The following SCG2 variants were observed in gnomAD, a reference collection of about 807,000 sequenced individuals.
SCG2 encodes the protein secretogranin II, also known as secretogranin-2.
Under a neutral mutation model 49.5 loss-of-function variants are expected in SCG2, and 23 were observed. The ratio of observed to expected loss-of-function variants is 0.46; its 90% CI spans 0.33 to 0.66. The LOEUF is 0.66. Ranked by LOEUF, SCG2 falls within the 30% of genes least tolerant of loss-of-function variation. SCG2 has a pLI of 0.01. For synonymous variants in SCG2, 288 were observed against 260.4 expected (o/e 1.11, Z -1.02); for missense variants, 730 against 728.2 (o/e 1.00, Z -0.03).
intron 1 of SCG2, chr2:223,602,063 T>C (rs963257339): frequency 6.6e-6 from 1 of 152,198 alleles, no homozygotes; most frequent in Non-Finnish European, 1.5e-5. Context: ...TAAGTAACAT[T>C]CTGGTTAGTA....
rs149041480 is a variant in SCG2, at chr2:223,599,854, A to G, written c.-14-558T>C. Among the ~76,000 whole-genome samples the G allele has an allele frequency of 5.3e-3, 812 of 152,310 alleles. 1 individual carries two copies. Among genetic ancestry groups the G allele is most frequent in the South Asian group, 7.9e-3 (38 of 4,832 alleles). On this transcript the variant is annotated intron_variant, in intron 1 of 1. Transcript: ENST00000305409. ...CTGCAGTTACATGACCATATATGAC[A>G]AAGTAATACTTTTATATGTCAATCA... is the stretch of plus-strand genomic sequence containing the variant.
At position 223,599,066 on chromosome 2, in the gene SCG2, C is replaced by G. The variant is rs1226055256; in HGVS notation, c.217G>C (p.Glu73Gln). ...TAGGGATTATAATCTGGGCTGCTTT[C>G]TTCCTTATGAGCTTGTTGTCGGAGG... ...ENLRQQAHKE[E>Q]SSPDYNPYQG... is the part of the protein sequence containing the mutation. The change falls in exon 2 of 2, where the codon GAA (glutamate) becomes CAA (glutamine). Residue 73 changes from glutamate (E) to glutamine (Q), a missense_variant. Glu to Gln is a conservative substitution (Grantham distance 29). Transcript: ENST00000305409. 1 of 1,614,094 alleles carries G rather than the reference C, an allele frequency of 6.2e-7. No individual in the cohort carries two copies. The highest frequency in any genetic ancestry group is 8.5e-7 in the Non-Finnish European group (1 of 1,180,042).
intron 1 of SCG2, among the ~76,000 whole-genome samples, chr2:223,601,215 A>G (rs1203874868): frequency 1.3e-5 from 2 of 152,202 alleles, no homozygotes; most frequent in African/African-American, 4.8e-5. Context: ...TGAGACCCAA[A>G]GGATTCTTTT....
At chr2:223,600,901 T>C (rs1691379427) in intron 1 of SCG2, among the ~76,000 whole-genome samples, 1 of 152,194 alleles carries the variant, frequency 6.6e-6, no homozygotes. Flanking sequence ...TAAAAATACA[T>C]TATGCACTCT....
In SCG2 at chr2:223,598,530, G is replaced by T. The variant is rs764709664; in HGVS notation, c.753C>A (p.Asn251Lys). 3.7e-5 allele frequency: 59 copies of T among 1,613,684 alleles called. No individual in the cohort carries two copies. The East Asian group carries it at 8.0e-4, about 22-fold the overall frequency. The change falls in exon 2 of 2, where the codon AAC (asparagine) becomes AAA (lysine). Residue 251 changes from asparagine (N) to lysine (K), a missense_variant. Coordinates refer to ENST00000305409, the MANE Select transcript of SCG2 (RefSeq NM_003469.5). Reference protein sequence around the residue: ...YEDVVGGEDWNPVEEKIESQT... With the variant: ...YEDVVGGEDWKPVEEKIESQT... ...GACTCTCTATTTTCTCCTCTACTGG[G>T]TTCCAGTCTTCTCCCCCGACCACAT...
chr2:223,600,139 C>CT (rs1342869987), intron 1 of SCG2, among the ~76,000 whole-genome samples: 5 of 152,188 alleles, frequency 3.3e-5, no homozygotes, highest in African/African-American at 1.2e-4. Context: ...TGTGGTTATA[C>CT]TTTTCATCAG....
In SCG2 at chr2:223,597,316, C is replaced by T; in HGVS notation, c.*113G>A. ...AGTGACCTGGTTTCATCTGCCTGTA[C>T]ATCATTTAAAGATATTACAGTGTTA... On this transcript the variant is annotated 3_prime_UTR_variant, in exon 2 of 2. Coordinates refer to ENST00000305409, the MANE Select transcript of SCG2 (RefSeq NM_003469.5). 7.4e-7 allele frequency: 1 copy of T among 1,358,448 alleles called. No individual in the cohort carries two copies. The highest frequency in any genetic ancestry group is 9.9e-7 in the Non-Finnish European group (1 of 1,005,228). 84.1% of individuals were successfully genotyped at this position (1,358,448 alleles called of 1,614,324 possible).
At position 223,597,377 on chromosome 2, in the gene SCG2, G is replaced by A. The variant is rs374263026; in HGVS notation, c.*52C>T. 87 of 1,533,128 alleles carry A rather than the reference G, an allele frequency of 5.7e-5. 2 individuals carry two copies. In the Middle Eastern group the frequency reaches 5.5e-3, roughly 97 times the overall value. The allele number at this position is 1,533,128 out of a possible 1,614,324, so 95.0% of individuals were successfully genotyped here. The stretch of plus-strand genomic sequence containing the variant: ...AGTCAACACACTGAAGAGAAATGTT[G>A]GGATTTGCTTGGGGTGGGAGGAATG... On this transcript the variant is annotated 3_prime_UTR_variant, in exon 2 of 2. Coordinates refer to ENST00000305409, the MANE Select transcript of SCG2 (RefSeq NM_003469.5).
At position 223,598,419 on chromosome 2, in the gene SCG2, A is replaced by G. The variant is rs754024627; in HGVS notation, c.864T>C (p.Leu288=). 1.2e-6 allele frequency: 2 copies of G among 1,614,072 alleles called. No individual in the cohort carries two copies. The highest frequency in any genetic ancestry group is 3.3e-5 in the Admixed American group (2 of 60,016). ...INDEMKRSGQ[L]GIQEEDLRKE... is the part of the protein sequence containing the mutation. ...TCCGAAGATCTTCTTCCTGGATGCC[A>G]AGCTGCCCTGAGCGTTTCATCTCAT... The change falls in exon 2 of 2, where the codon CTT becomes CTC. Residue 288 remains leucine, a synonymous_variant. Coordinates refer to ENST00000305409, the MANE Select transcript of SCG2 (RefSeq NM_003469.5).
chr2:223,599,703 T>C (rs1691360504), intron 1 of SCG2, among the ~76,000 whole-genome samples: 1 of 152,250 alleles, frequency 6.6e-6, no homozygotes, highest in Non-Finnish European at 1.5e-5. Flanking sequence ...GGCAAAATAA[T>C]GTGTTGGCTT....
chr2:223,601,305 T>C (rs541394414), intron 1 of SCG2, among the ~76,000 whole-genome samples: 2 of 152,332 alleles, frequency 1.3e-5, no homozygotes, highest in African/African-American at 4.8e-5. Flanking sequence ...TAAAATTGAA[T>C]TTTCTGAAAT....
chr2:223,600,113 T>C (rs1400742394), intron 1 of SCG2, among the ~76,000 whole-genome samples: 1 of 152,232 alleles, frequency 6.6e-6, no homozygotes, highest in Non-Finnish European at 1.5e-5. Context: ...ATTATGACTG[T>C]CTTGCAAAAT....
chr2:223,598,525 A>G lies in SCG2; in HGVS notation c.758T>C (p.Val253Ala), dbSNP rs1417850345. Reference protein sequence around the residue: ...DVVGGEDWNPVEEKIESQTQE... With the variant: ...DVVGGEDWNPAEEKIESQTQE... ...GGTTTGACTCTCTATTTTCTCCTCT[A>G]CTGGGTTCCAGTCTTCTCCCCCGAC... The change falls in exon 2 of 2, where the codon GTA becomes GCA. Residue 253 changes from valine to alanine, a missense_variant. Coordinates refer to ENST00000305409, the MANE Select transcript of SCG2 (RefSeq NM_003469.5). 17 of 1,613,566 alleles carry G rather than the reference A, an allele frequency of 1.1e-5. No homozygotes were observed. Among genetic ancestry groups the G allele is most frequent in the East Asian group, 2.2e-5 (1 of 44,862 alleles).
rs1262828579 is a variant in SCG2, at chr2:223,599,292, A to C, written c.-10T>G. The C allele has an allele frequency of 3.2e-6, 5 of 1,551,790 alleles. No homozygotes were observed. Among genetic ancestry groups the C allele is most frequent in the Admixed American group, 2.0e-5 (1 of 49,784 alleles). On this transcript the variant is annotated 5_prime_UTR_variant, in exon 2 of 2. Coordinates refer to ENST00000305409, the MANE Select transcript of SCG2 (RefSeq NM_003469.5). ...TCTTTGCTTCAGCCATGTTTGAAAGATTTCCTTAAAACATAAAAAATATGA... is the reference window on the plus strand; with the variant it reads ...TCTTTGCTTCAGCCATGTTTGAAAGCTTTCCTTAAAACATAAAAAATATGA...
chr2:223,597,335 A>T lies in SCG2; in HGVS notation c.*94T>A, dbSNP rs781764724. On this transcript the variant is annotated 3_prime_UTR_variant, in exon 2 of 2. Coordinates refer to ENST00000305409, the MANE Select transcript of SCG2 (RefSeq NM_003469.5). The stretch of plus-strand genomic sequence containing the variant: ...CCTGTACATCATTTAAAGATATTAC[A>T]GTGTTAACAGGATAGAAGTCAACAC... 89 of 1,429,724 alleles carry T rather than the reference A, an allele frequency of 6.2e-5. No homozygotes were observed. Among genetic ancestry groups the T allele is most frequent in the Non-Finnish European group, 7.7e-5 (82 of 1,060,306 alleles). The allele number at this position is 1,429,724 out of a possible 1,614,324, so 88.6% of individuals were successfully genotyped here.
At chr2:223,601,013 A>G (rs1027712216) in intron 1 of SCG2, among the ~76,000 whole-genome samples, 27 of 152,072 alleles carry the variant, frequency 1.8e-4, no homozygotes, top group African/African-American at 6.0e-4. Flanking sequence ...ATTTTTTTTG[A>G]AGCCACAATA....
chr2:223,598,102 A>AT lies in SCG2; in HGVS notation c.1180dup (p.Ile394AsnfsTer5). The AT allele has an allele frequency of 6.2e-7, 1 of 1,606,892 alleles. No individual in the cohort carries two copies. The highest frequency in any genetic ancestry group is 8.5e-7 in the Non-Finnish European group (1 of 1,176,362). On this transcript the variant is annotated frameshift_variant, in exon 2 of 2. Transcript: ENST00000305409. LOFTEE classifies it high-confidence loss of function. ...TGGATGGTCTAAGTCAGCCTCTGAG[A>AT]TGTCATCTAGGTCAACAGGAAGGTC...
chr2:223,597,960 C>A lies in SCG2; in HGVS notation c.1323G>T (p.Gly441=). The part of the protein sequence containing the change: ...LSVEDILNLL[G]MESAANQKTS... Reference sequence around the variant, plus strand: ...TTTTCTGATTTGCTGCACTCTCCATCCCTAAAAGATTTAAAATATCCTCAA... The same window carrying A: ...TTTTCTGATTTGCTGCACTCTCCATACCTAAAAGATTTAAAATATCCTCAA... The change falls in exon 2 of 2, where the codon GGG becomes GGT. Residue 441 remains glycine (G), a synonymous_variant. Coordinates refer to ENST00000305409, the MANE Select transcript of SCG2 (RefSeq NM_003469.5). 1 of 1,614,132 alleles carries A rather than the reference C, an allele frequency of 6.2e-7. No individual in the cohort carries two copies. The highest frequency in any genetic ancestry group is 8.5e-7 in the Non-Finnish European group (1 of 1,180,028).
intron 1 of SCG2, among the ~76,000 whole-genome samples, chr2:223,600,383 A>G (rs1691372200): frequency 6.6e-6 from 1 of 152,174 alleles, no homozygotes; most frequent in Non-Finnish European, 1.5e-5. Flanking sequence ...AATTCTTCCT[A>G]CTTAAAAATC....
Sources: gnomAD v4.1 joint callset for allele counts (sites outside exome capture counted in the v4.1 genomes callset) on GRCh38, gnomAD v4.1.1 for gene constraint, MANE v1.5 for transcripts, NCBI Gene and HGNC (gene_info 2026-07-23, HGNC 2026-07-21) for gene names.